Variants in GRIA3 observed in about 807,000 individuals in gnomAD.
GRIA3 encodes glutamate receptor 3.
Under a neutral mutation model 63.0 loss-of-function variants are expected in GRIA3, and 3 were observed. The ratio of observed to expected loss-of-function variants is 0.05; its 90% confidence interval spans 0.02 to 0.12. The LOEUF (loss-of-function observed/expected upper bound fraction) is 0.12, where lower values mean the gene tolerates loss of function less well. Ranked by LOEUF, GRIA3 falls within the 10% of genes least tolerant of loss-of-function variation. The probability of loss-of-function intolerance (pLI) is 1.00; values close to 1 mark genes in which losing one functional copy is unlikely to be tolerated. For synonymous variants in GRIA3, 274 were observed against 257.9 expected (o/e 1.06, Z -0.60); for missense variants, 347 against 700.9 (o/e 0.50, Z 5.70).
intron 12 of GRIA3, among the ~76,000 whole-genome samples, chrX:123,448,585 G>C (rs1234215039): frequency 8.9e-6 from 1 of 111,916 alleles, no homozygotes; most frequent in African/African-American, 3.2e-5. Flanking sequence ...GTACCCACTA[G>C]CCACGTGTAA....
At chrX:123,340,027 T>C (rs62594108) in intron 4 of GRIA3, among the ~76,000 whole-genome samples, 39,936 of 110,972 alleles carry the variant, frequency 0.36, 6,399 homozygotes, top group Middle Eastern at 0.54. Context: ...GCCACACAAC[T>C]AGTGAGTGAA....
chrX:123,427,419 T>C (rs1351742548), intron 11 of GRIA3, among the ~76,000 whole-genome samples: 1 of 111,734 alleles, frequency 8.9e-6, no homozygotes, highest in Non-Finnish European at 1.9e-5. Context: ...GTGATTTTAA[T>C]GTGGAGCCAA....
At chrX:123,251,471 G>A (rs1356315934) in intron 2 of GRIA3, among the ~76,000 whole-genome samples, 2 of 110,750 alleles carry the variant, frequency 1.8e-5, no homozygotes, top group South Asian at 3.9e-4. Context: ...TCACTCTGTC[G>A]GTCGCCCAGG....
At chrX:123,203,812 C>T (rs887237165) in intron 2 of GRIA3, among the ~76,000 whole-genome samples, 12 of 111,727 alleles carry the variant, frequency 1.1e-4, no homozygotes, top group Admixed American at 1.9e-4. Flanking sequence ...AGAGCTAGCC[C>T]GGGTTAGAAT....
intron 2 of GRIA3, among the ~76,000 whole-genome samples, chrX:123,245,489 G>A (rs1055530946): frequency 1.8e-5 from 2 of 111,780 alleles, no homozygotes; most frequent in African/African-American, 6.5e-5. Context: ...TTAAAGTGAG[G>A]AGAAAAGAGG....
At chrX:123,281,101 C>T (rs1217518214) in intron 3 of GRIA3, among the ~76,000 whole-genome samples, 1 of 111,336 alleles carries the variant, frequency 9.0e-6, no homozygotes, top group Non-Finnish European at 1.9e-5. Context: ...CCAAGCAGGC[C>T]ACACTGAGCT....
chrX:123,288,429 A>G (rs2044634881), intron 3 of GRIA3, among the ~76,000 whole-genome samples: 2 of 112,513 alleles, frequency 1.8e-5, no homozygotes, highest in South Asian at 7.3e-4. Flanking sequence ...ATCTAATTAA[A>G]CTAAAGAGCT....
intron 5 of GRIA3, among the ~76,000 whole-genome samples, chrX:123,392,604 C>T (rs1041391985): frequency 8.9e-6 from 1 of 111,831 alleles, no homozygotes; most frequent in African/African-American, 3.3e-5. Context: ...AGGGGTCTCT[C>T]ACTTGTCCTT....
At chrX:123,371,682 T>C (rs991139993) in intron 5 of GRIA3, among the ~76,000 whole-genome samples, 2 of 111,826 alleles carry the variant, frequency 1.8e-5, no homozygotes, top group Non-Finnish European at 3.8e-5. Context: ...TTGTATCTCT[T>C]CTTTTGAGAA....
chrX:123,403,005 A>T lies in GRIA3; in HGVS notation c.1092A>T (p.Gln364His). ...IERALKMVQV[Q>H]GMTGNIQFDT... is the part of the protein sequence containing the mutation. Reference sequence around the variant, plus strand: ...TCCCTTTCTACCAGGTGCAAGTACAAGGAATGACTGGAAATATTCAATTTG... The same window carrying T: ...TCCCTTTCTACCAGGTGCAAGTACATGGAATGACTGGAAATATTCAATTTG... The change falls in exon 8 of 16, where the codon CAA (glutamine) becomes CAT (histidine). Residue 364 changes from glutamine to histidine, a missense_variant. Physicochemically the swap from Gln to His is conservative, Grantham distance 24 (BLOSUM62 0). Around this residue, in one of 8 missense-constraint regions of GRIA3, gnomAD observed 65 missense variants for 145.8 expected, o/e 0.45. Transcript: ENST00000620443. 1 of 1,129,968 alleles carries T rather than the reference A, an allele frequency of 8.8e-7. No homozygotes were observed. Among genetic ancestry groups the T allele is most frequent in the Non-Finnish European group, 1.2e-6 (1 of 822,253 alleles). The allele number at this position is 1,129,968 out of a possible 1,213,427, so 93.1% of individuals were successfully genotyped here.
At chrX:123,194,106 G>A (rs1217301420) in intron 2 of GRIA3, among the ~76,000 whole-genome samples, 2 of 111,106 alleles carry the variant, frequency 1.8e-5, no homozygotes, top group Admixed American at 9.6e-5. Flanking sequence ...ATACCCTTCT[G>A]ATGGTAGTGG....
At chrX:123,227,569 G>A (rs2044254288) in intron 2 of GRIA3, among the ~76,000 whole-genome samples, 1 of 111,477 alleles carries the variant, frequency 9.0e-6, no homozygotes, top group Non-Finnish European at 1.9e-5. Flanking sequence ...TGTGGGGGAA[G>A]GGGAGGGGAA....
intron 12 of GRIA3, among the ~76,000 whole-genome samples, chrX:123,463,226 T>C (rs2045803275): frequency 9.1e-6 from 1 of 110,104 alleles, no homozygotes. Context: ...AATGACTAAA[T>C]ATATTAATGC....
intron 5 of GRIA3, among the ~76,000 whole-genome samples, chrX:123,384,565 C>A (rs973128815): frequency 2.7e-5 from 3 of 111,729 alleles, no homozygotes; most frequent in Admixed American, 9.4e-5. Flanking sequence ...GCGGAGGTTG[C>A]AGTAAGCCGA....
At chrX:123,378,329 G>A (rs193206147) in intron 5 of GRIA3, among the ~76,000 whole-genome samples, 70 of 109,718 alleles carry the variant, frequency 6.4e-4, no homozygotes, top group African/African-American at 2.2e-3. Context: ...CCCCTTTATC[G>A]TCCAAATGTT....
intron 5 of GRIA3, among the ~76,000 whole-genome samples, chrX:123,374,739 A>T (rs2045272893): frequency 8.9e-6 from 1 of 111,874 alleles, no homozygotes; most frequent in Non-Finnish European, 1.9e-5. Flanking sequence ...TTATCAGCTT[A>T]AGGAGATTTT....
intron 12 of GRIA3, among the ~76,000 whole-genome samples, chrX:123,432,070 T>C (rs6649008): frequency 0.032 from 3,620 of 111,982 alleles, 89 homozygotes; most frequent in East Asian, 0.18. Context: ...TCAATAAACA[T>C]TATTTTCCAT....
intron 2 of GRIA3, among the ~76,000 whole-genome samples, chrX:123,223,402 CG>C (rs2044229077): frequency 8.9e-6 from 1 of 112,728 alleles, no homozygotes; most frequent in Non-Finnish European, 1.9e-5. Context: ...GACAACCTAA[CG>C]TTTTCTTAAC....
intron 3 of GRIA3, among the ~76,000 whole-genome samples, chrX:123,292,279 T>C (rs1379501377): frequency 9.0e-6 from 1 of 111,592 alleles, no homozygotes; most frequent in Non-Finnish European, 1.9e-5. Context: ...TGCTTTTTAA[T>C]TGGATTTGTG....
Sources: allele counts gnomAD v4.1 joint callset (sites outside exome capture counted in the v4.1 genomes callset), GRCh38; gene constraint gnomAD v4.1.1; regional missense constraint gnomAD v4.1.1; transcripts MANE v1.5; gene names NCBI Gene and HGNC (gene_info 2026-07-23, HGNC 2026-07-21).